The following ASB2 variants were observed in gnomAD, a reference collection of about 807,000 sequenced individuals.
ASB2 encodes the protein ankyrin repeat and SOCS box containing 2.
Under a neutral mutation model 62.4 loss-of-function variants are expected in ASB2, and 58 were observed. That is an observed-to-expected ratio of 0.93 (90% CI 0.75 to 1.16). The LOEUF (loss-of-function observed/expected upper bound fraction) is 1.16, where lower values mean the gene tolerates loss of function less well. Ranked by LOEUF, ASB2 falls within the 50% of genes most tolerant of loss-of-function variation. The pLI is 0.00. For missense variants in ASB2, 928 were observed against 887.9 expected (o/e 1.05, Z -0.57); for synonymous variants, 386 against 385.3 (o/e 1.00, Z -0.02).
chr14:93,954,119 C>T, intron 4 of ASB2, 198 bp downstream of exon 4: 1 of 594,288 alleles, frequency 1.7e-6, no homozygotes, highest in Non-Finnish European at 3.0e-6. Context: ...CCTTGGAGGC[C>T]TGGAGAGGTG....
rs1888325367 is a variant in ASB2, at chr14:93,937,780, G to C, written c.1689C>G (p.Tyr563Ter). 6.2e-7 allele frequency: 1 copy of C among 1,613,350 alleles called. No individual in the cohort carries two copies. The highest frequency in any genetic ancestry group is 8.5e-7 in the Non-Finnish European group (1 of 1,179,366). Residue 563 changes from tyrosine to a stop codon, truncating the protein, a stop_gained, in exon 9 of 10, where the codon TAC becomes TAG. Transcript: ENST00000555019. LOFTEE classifies it high-confidence loss of function. Reference protein sequence around the residue: ...AGPIIDVLLDYVGNVQLCSRL... With the variant: ...AGPIIDVLLD The stretch of plus-strand genomic sequence containing the variant: ...GCGAGCAGAGCTGCACGTTGCCCAC[G>C]TAGTCCAGGAGGACATCGATGATGG...
chr14:93,942,912 G>T (rs1216618802), intron 7 of ASB2, among the ~76,000 whole-genome samples: 1 of 152,158 alleles, frequency 6.6e-6, no homozygotes, highest in Admixed American at 6.5e-5. Context: ...AGCTCCAGTG[G>T]GTTGCTGTGA....
At position 93,951,236 on chromosome 14, in the gene ASB2, G is replaced by T. The variant is rs565025447; in HGVS notation, c.643C>A (p.Arg215Ser). 3.8e-6 allele frequency: 6 copies of T among 1,599,458 alleles called. No individual in the cohort carries two copies. Among genetic ancestry groups the T allele is most frequent in the Middle Eastern group, 1.8e-4 (1 of 5,660 alleles). The change falls in exon 6 of 10, where the codon CGC becomes AGC. Residue 215 changes from arginine to serine, a missense_variant. Transcript: ENST00000555019. ...RETPLYKACE[R>S]KNAEAVKILV... Reference sequence around the variant, plus strand: ...ATCTTCACGGCCTCCGCGTTCTTGCGCTCGCAGGCTGTGCTCAGGGGGAAG... The same window carrying T: ...ATCTTCACGGCCTCCGCGTTCTTGCTCTCGCAGGCTGTGCTCAGGGGGAAG...
chr14:93,969,469 C>T (rs12887647), intron 1 of ASB2, among the ~76,000 whole-genome samples: 12,658 of 152,212 alleles, frequency 0.083, 573 homozygotes, highest in African/African-American at 0.12. Flanking sequence ...GGCATTGATT[C>T]GGGTGATGCC....
chr14:93,936,003 G>A (rs1047230525), intron 9 of ASB2, among the ~76,000 whole-genome samples: 1 of 152,210 alleles, frequency 6.6e-6, no homozygotes, highest in Non-Finnish European at 1.5e-5. Flanking sequence ...TTAATTACAG[G>A]CATTGAGGCC....
intron 1 of ASB2, among the ~76,000 whole-genome samples, chr14:93,965,535 G>A (rs1363973743): frequency 1.3e-5 from 2 of 152,218 alleles, no homozygotes; most frequent in Non-Finnish European, 2.9e-5. Context: ...ATAGACTCCA[G>A]TTGGGTGCCA....
rs1435706712 is a variant in ASB2, at chr14:93,966,622, T to G, written c.-73-2010A>C. 5.3e-5 allele frequency among the ~76,000 whole-genome samples: 8 copies of G among 152,370 alleles called. No individual in the cohort carries two copies. In the East Asian group the frequency reaches 1.5e-3, roughly 29 times the overall value. On this transcript the variant is annotated intron_variant, in intron 1 of 9. Transcript: ENST00000555019. ...TTATGTTGCAGAACTGCTGAACCAA[T>G]GCTGGGTCCGCCCACCCTAGCCTAC...
chr14:93,936,847 G>A (rs1285958835), intron 9 of ASB2, among the ~76,000 whole-genome samples: 7 of 152,194 alleles, frequency 4.6e-5, no homozygotes, highest in African/African-American at 1.4e-4. Context: ...GCCAGAGAAA[G>A]CCCTAGGGTA....
chr14:93,974,471 C>G (rs1007429126), intron 1 of ASB2, among the ~76,000 whole-genome samples: 1 of 152,212 alleles, frequency 6.6e-6, no homozygotes, highest in Non-Finnish European at 1.5e-5. Context: ...CTGGGCAGGC[C>G]CAGAGATATT....
At chr14:93,962,081 G>A (rs183293230) in intron 2 of ASB2, among the ~76,000 whole-genome samples, 10 of 151,770 alleles carry the variant, frequency 6.6e-5, no homozygotes, top group Admixed American at 6.6e-4. Context: ...TGTGCATTTG[G>A]GGGGAGAAGA....
intron 2 of ASB2, among the ~76,000 whole-genome samples, chr14:93,958,722 G>T (rs1433937780): frequency 6.6e-6 from 1 of 152,172 alleles, no homozygotes; most frequent in Non-Finnish European, 1.5e-5. Context: ...GCCGGCAGGT[G>T]GAGGCAGCCT....
At chr14:93,961,313 G>A (rs1159204377) in intron 2 of ASB2, among the ~76,000 whole-genome samples, 1 of 152,236 alleles carries the variant, frequency 6.6e-6, no homozygotes, top group Non-Finnish European at 1.5e-5. Context: ...GCCAGTAAGT[G>A]TAGAGGAAGA....
rs373032478 is a variant in ASB2 at position 93,951,384 on chromosome 14, T to C, written c.635-140A>G. ...TGTGTATTAAGTTCCAATCCCTGCA[T>C]TGAACCTGGGATAGGCGACTAAAAG... On this transcript the variant is annotated intron_variant, in intron 5 of 9. Transcript: ENST00000555019. 25 of 1,016,834 alleles carry C rather than the reference T, an allele frequency of 2.5e-5. 1 individual carries two copies. Among genetic ancestry groups the C allele is most frequent in the African/African-American group, 4.8e-5 (3 of 62,016 alleles). The allele number at this position is 1,016,834 out of a possible 1,614,324, so 63.0% of individuals were successfully genotyped here.
Position 93,937,710 on chromosome 14 carries a change from T to C in ASB2, c.1759A>G (p.Lys587Glu). Residue 587 changes from lysine (K) to glutamate (E), a missense_variant, in exon 9 of 10, where the codon AAG (lysine) becomes GAG (glutamate). Lys to Glu is a moderately conservative substitution (Grantham distance 56). Transcript: ENST00000555019. Reference sequence around the variant, plus strand: ...AGCAAGTCCCTACCTGCCTTCTCCTTGATGACGGCCCAGTCCTCAAAGCTG... The same window carrying C: ...AGCAAGTCCCTACCTGCCTTCTCCTCGATGACGGCCCAGTCCTCAAAGCTG... ...IDSFEDWAVIKEKAEPPRPLA... is the reference protein window; with the variant it reads ...IDSFEDWAVIEEKAEPPRPLA... 1 of 1,607,736 alleles carries C rather than the reference T, an allele frequency of 6.2e-7. No individual in the cohort carries two copies. The highest frequency in any genetic ancestry group is 8.5e-7 in the Non-Finnish European group (1 of 1,174,622).
At chr14:93,953,309 G>A in intron 5 of ASB2, 43 bp downstream of exon 5, 1 of 1,494,834 alleles carries the variant, frequency 6.7e-7, no homozygotes, top group Non-Finnish European at 9.0e-7. Context: ...CCCAGCTTCT[G>A]GATTCTTCCG....
chr14:93,951,343 T>G, intron 5 of ASB2, 99 bp from the exon 6 acceptor site: 1 of 1,393,836 alleles, frequency 7.2e-7, no homozygotes, highest in Non-Finnish European at 9.7e-7. Flanking sequence ...ATCCACTCAT[T>G]CAGCTTTCCA....
chr14:93,966,530 G>A (rs1006405813), intron 1 of ASB2, among the ~76,000 whole-genome samples: 1 of 152,108 alleles, frequency 6.6e-6, no homozygotes, highest in Non-Finnish European at 1.5e-5. Context: ...ACCATGAGGG[G>A]GACAGTGAAT....
chr14:93,934,602 T>G lies in ASB2; in HGVS notation c.*54A>C. 3.1e-6 allele frequency: 5 copies of G among 1,595,030 alleles called. No individual in the cohort carries two copies. Among genetic ancestry groups the G allele is most frequent in the Non-Finnish European group, 4.3e-6 (5 of 1,165,492 alleles). ...CTTGGAGTTGGGAACACCGACGTCCTGAGACTTAGTAAGAAGAGTCTGAGG... is the reference window on the plus strand; with the variant it reads ...CTTGGAGTTGGGAACACCGACGTCCGGAGACTTAGTAAGAAGAGTCTGAGG... On this transcript the variant is annotated 3_prime_UTR_variant, in exon 10 of 10. Coordinates refer to ENST00000555019, the MANE Select transcript of ASB2 (RefSeq NM_001202429.2).
intron 2 of ASB2, among the ~76,000 whole-genome samples, chr14:93,957,948 C>T (rs1416778269): frequency 1.3e-5 from 2 of 152,152 alleles, no homozygotes; most frequent in Non-Finnish European, 2.9e-5. Flanking sequence ...CAGTGACTCA[C>T]ACCCTGTGGG....
Sources: gnomAD v4.1 joint callset for allele counts (sites outside exome capture counted in the v4.1 genomes callset) on GRCh38, gnomAD v4.1.1 for gene constraint, MANE v1.5 for transcripts, NCBI Gene and HGNC (gene_info 2026-07-23, HGNC 2026-07-21) for gene names.